NDUFA10: variants seen among roughly 807,000 people sequenced by gnomAD.
The protein encoded by NDUFA10 is NADH dehydrogenase [ubiquinone] 1 alpha subcomplex subunit 10, mitochondrial.
NDUFA10 carries 40 observed loss-of-function variants against 47.8 expected under a neutral mutation model. The observed-to-expected ratio is 0.84, with a 90% CI of 0.65 to 1.09. The LOEUF (loss-of-function observed/expected upper bound fraction) is 1.09, where lower values mean the gene tolerates loss of function less well. NDUFA10 is among the 50% of genes least tolerant of loss of function. The pLI is 0.00. For missense variants in NDUFA10, 413 were observed against 451.1 expected (o/e 0.92, Z 0.76); for synonymous variants, 183 against 172.2 (o/e 1.06, Z -0.49).
intron 9 of NDUFA10, among the ~76,000 whole-genome samples, chr2:239,963,703 G>A (rs1447017773): frequency 6.6e-6 from 1 of 152,246 alleles, no homozygotes; most frequent in Non-Finnish European, 1.5e-5. Flanking sequence ...ACCTGCGTCT[G>A]TGGCTTAGAA....
intron 9 of NDUFA10, among the ~76,000 whole-genome samples, chr2:239,975,967 G>C (rs1361072709): frequency 6.6e-6 from 1 of 152,120 alleles, no homozygotes; most frequent in Non-Finnish European, 1.5e-5. Flanking sequence ...CCATTTAGTA[G>C]TCCTACCTTG....
At chr2:239,992,626 G>C (rs1696297671) in intron 8 of NDUFA10, among the ~76,000 whole-genome samples, 1 of 152,196 alleles carries the variant, frequency 6.6e-6, no homozygotes, top group Admixed American at 6.5e-5. Context: ...GAAGGTCTGG[G>C]CTCTGGAGAA....
At chr2:239,964,871 C>T (rs1263211737) in intron 9 of NDUFA10, among the ~76,000 whole-genome samples, 4 of 152,168 alleles carry the variant, frequency 2.6e-5, no homozygotes, top group Non-Finnish European at 5.9e-5. Context: ...AAGTTGACAC[C>T]TGAACAAAAG....
At chr2:239,974,202 T>G (rs1695417751) in intron 9 of NDUFA10, among the ~76,000 whole-genome samples, 2 of 152,204 alleles carry the variant, frequency 1.3e-5, no homozygotes, top group Non-Finnish European at 2.9e-5. Context: ...GTGCTGGGAT[T>G]ACAGGCGTGA....
chr2:240,001,529 C>T (rs1210014144), intron 8 of NDUFA10, among the ~76,000 whole-genome samples: 1 of 152,186 alleles, frequency 6.6e-6, no homozygotes, highest in Admixed American at 6.5e-5. Context: ...GAGGTTAGGC[C>T]CCTTGCCCAG....
At chr2:239,954,640 T>A (rs941782983), downstream of NDUFA10, among the ~76,000 whole-genome samples, 4 of 152,234 alleles carry the variant, frequency 2.6e-5, no homozygotes, top group Non-Finnish European at 5.9e-5. Context: ...ACACACACAA[T>A]TTTATTACTT....
At chr2:239,996,026 G>A (rs184632711) in intron 8 of NDUFA10, among the ~76,000 whole-genome samples, 1 of 152,254 alleles carries the variant, frequency 6.6e-6, no homozygotes, top group Non-Finnish European at 1.5e-5. Flanking sequence ...GACAGATCCA[G>A]CAGAGAGAAA....
At chr2:239,995,480 A>G (rs952024999) in intron 8 of NDUFA10, among the ~76,000 whole-genome samples, 2 of 152,234 alleles carry the variant, frequency 1.3e-5, no homozygotes, top group African/African-American at 2.4e-5. Flanking sequence ...TGTTAAGGGA[A>G]AAGATAAAAG....
At chr2:239,916,205 C>T (rs116543340) in intron 4 of NDUFA10, among the ~76,000 whole-genome samples, 13,568 of 151,476 alleles carry the variant, frequency 0.09, 652 homozygotes, top group Admixed American at 0.13. Flanking sequence ...CACACACATA[C>T]ATACACACAC....
At chr2:239,962,928 TGAAG>T (rs769233552) in intron 9 of NDUFA10, among the ~76,000 whole-genome samples, 23 of 152,110 alleles carry the variant, frequency 1.5e-4, no homozygotes, top group Non-Finnish European at 2.4e-4. Context: ...AAGCCATTCA[TGAAG>T]GATCTACTCC....
chr2:239,999,377 GC>G (rs1439362348), intron 8 of NDUFA10, among the ~76,000 whole-genome samples: 2 of 152,176 alleles, frequency 1.3e-5, no homozygotes, highest in Non-Finnish European at 2.9e-5. Flanking sequence ...GGTGCTCTGT[GC>G]CCAGAGGCTG....
chr2:239,897,845 CT>C (rs767808530), intron 4 of NDUFA10, among the ~76,000 whole-genome samples: 1 of 152,364 alleles, frequency 6.6e-6, no homozygotes, highest in Non-Finnish European at 1.5e-5. Flanking sequence ...AGGTTCACCC[CT>C]CCCTCTGCCA....
intron 4 of NDUFA10, among the ~76,000 whole-genome samples, chr2:240,015,881 A>C (rs1293308851): frequency 6.6e-6 from 1 of 152,208 alleles, no homozygotes; most frequent in Non-Finnish European, 1.5e-5. Flanking sequence ...TGGGCTGGGC[A>C]CAGTGGCTCA....
At chr2:239,964,342 G>C (rs1694977187) in intron 9 of NDUFA10, among the ~76,000 whole-genome samples, 1 of 152,162 alleles carries the variant, frequency 6.6e-6, no homozygotes, top group South Asian at 2.1e-4. Flanking sequence ...AATGTGGGCG[G>C]CCTCTAGAAG....
chr2:239,900,221 T>A (rs112765189), intron 4 of NDUFA10, among the ~76,000 whole-genome samples: 1 of 151,912 alleles, frequency 6.6e-6, no homozygotes, highest in Non-Finnish European at 1.5e-5. Flanking sequence ...TTTGAGGTTT[T>A]GGGACTTGGA....
intron 8 of NDUFA10, among the ~76,000 whole-genome samples, chr2:239,992,664 C>T (rs1286875894): frequency 1.3e-5 from 2 of 152,174 alleles, no homozygotes; most frequent in African/African-American, 4.8e-5. Flanking sequence ...GGAGCTTGCA[C>T]AGCTGGAGGC....
At chr2:240,007,776 C>A (rs909984371) in intron 6 of NDUFA10, among the ~76,000 whole-genome samples, 5 of 152,182 alleles carry the variant, frequency 3.3e-5, no homozygotes, top group African/African-American at 1.2e-4. Flanking sequence ...CCTAACCGAG[C>A]ACAGGCAGAA....
At chr2:240,007,241 A>T (rs1696979583) in intron 7 of NDUFA10, 75 bp downstream of exon 7, 21 of 1,129,756 alleles carry the variant, frequency 1.9e-5, no homozygotes, top group Non-Finnish European at 2.8e-5. Context: ...AATCTAACTG[A>T]CGATCTGATT....
At chr2:239,954,432 T>C (rs527380461), downstream of NDUFA10, among the ~76,000 whole-genome samples, 36 of 152,272 alleles carry the variant, frequency 2.4e-4, no homozygotes, top group Non-Finnish European at 4.1e-4. Context: ...GCTGCTCTCC[T>C]GTGTCCTCAC....
Sources: gnomAD v4.1 joint callset for allele counts (sites outside exome capture counted in the v4.1 genomes callset) on GRCh38, gnomAD v4.1.1 for gene constraint, MANE v1.5 for transcripts, NCBI Gene and HGNC (gene_info 2026-07-23, HGNC 2026-07-21) for gene names.